The following UQCC3 variants were observed in gnomAD, a reference collection of about 807,000 sequenced individuals.
The protein encoded by UQCC3 is ubiquinol-cytochrome-c reductase complex assembly factor 3.
In UQCC3, 3 loss-of-function variants were observed where a neutral mutation model predicts 3.4. The observed-to-expected ratio is 0.88, with a 90% CI of 0.40 to 2.26. UQCC3 has a LOEUF of 2.26. Among genes scored for constraint, UQCC3 ranks in the 30% most tolerant of loss-of-function variants. The pLI is 0.05. For missense variants in UQCC3, 141 were observed against 123.0 expected (o/e 1.15, Z -0.69); for synonymous variants, 57 against 57.1 (o/e 1.00, Z 0.00).
chr11:62,671,769 G>T lies in UQCC3; in HGVS notation c.24G>T (p.Leu8=). The change falls in exon 1 of 2, where the codon CTG becomes CTT. Residue 8 remains leucine, a synonymous_variant. Coordinates refer to ENST00000377953, the MANE Select transcript of UQCC3 (RefSeq NM_001085372.3). Reference sequence around the variant, plus strand: ...CCATGGATTCCTTGCGGAAAATGCTGATCTCAGTCGCAATGCTGGGCGCAG... The same window carrying T: ...CCATGGATTCCTTGCGGAAAATGCTTATCTCAGTCGCAATGCTGGGCGCAG... MDSLRKM[L]ISVAMLGAGA... is the part of the protein sequence containing the mutation. 6.2e-7 allele frequency: 1 copy of T among 1,614,060 alleles called. No individual in the cohort carries two copies. Among genetic ancestry groups the T allele is most frequent in the East Asian group, 2.2e-5 (1 of 44,872 alleles).
At chr11:62,671,918 C>CTGGA in intron 1 of UQCC3, 35 bp from the exon 2 acceptor site, 1 of 1,613,172 alleles carries the variant, frequency 6.2e-7, no homozygotes, top group Non-Finnish European at 8.5e-7. Flanking sequence ...GAGCCCCGGA[C>CTGGA]TGGAGCTCCT....
At position 62,672,410 on chromosome 11, in the gene UQCC3, TTA is replaced by T; in HGVS notation, c.*297_*298del. Reference sequence around the variant, plus strand: ...CCCTGCAGTCGACACCTACCAATGCTTAGAGACGCGTGGTCGGTGCTGGGGGC... The same window carrying T: ...CCCTGCAGTCGACACCTACCAATGCTGAGACGCGTGGTCGGTGCTGGGGGC... On this transcript the variant is annotated 3_prime_UTR_variant, in exon 2 of 2. Coordinates refer to ENST00000377953, the MANE Select transcript of UQCC3 (RefSeq NM_001085372.3). 2.3e-6 allele frequency: 1 copy of T among 440,002 alleles called. No individual in the cohort carries two copies. The highest frequency in any genetic ancestry group is 4.1e-6 in the Non-Finnish European group (1 of 241,500). The allele number at this position is 440,002 out of a possible 1,614,324, so 27.3% of individuals were successfully genotyped here.
rs1944960775 is a variant in UQCC3 at position 62,672,432 on chromosome 11, G to C, written c.*318G>C. The C allele has an allele frequency of 5.3e-6, 2 of 379,592 alleles. No homozygotes were observed. The highest frequency in any genetic ancestry group is 9.7e-6 in the Non-Finnish European group (2 of 206,312). The allele number at this position is 379,592 out of a possible 1,614,324, so 23.5% of individuals were successfully genotyped here. Reference sequence around the variant, plus strand: ...TGCTTAGAGACGCGTGGTCGGTGCTGGGGGCGCGGCCTGGAGCTGCTGCCT... The same window carrying C: ...TGCTTAGAGACGCGTGGTCGGTGCTCGGGGCGCGGCCTGGAGCTGCTGCCT... On this transcript the variant is annotated 3_prime_UTR_variant, in exon 2 of 2. Transcript: ENST00000377953.
In UQCC3 at chr11:62,671,806, G is replaced by A; in HGVS notation, c.61G>A (p.Gly21Ser). ...VAMLGAGAGVGYALLVIVTPG... is the reference protein window; with the variant it reads ...VAMLGAGAGVSYALLVIVTPG... ...AATGCTGGGCGCAGGGGCTGGCGTGGGCTACGCGCTCCTCGTTATCGTGAC... is the reference window on the plus strand; with the variant it reads ...AATGCTGGGCGCAGGGGCTGGCGTGAGCTACGCGCTCCTCGTTATCGTGAC... Residue 21 changes from glycine (G) to serine (S), a missense_variant, in exon 1 of 2, where the codon GGC becomes AGC. Transcript: ENST00000377953. 1 of 1,614,080 alleles carries A rather than the reference G, an allele frequency of 6.2e-7. No individual in the cohort carries two copies.
intron 1 of UQCC3, 25 bp from the exon 2 acceptor site, chr11:62,671,928 T>C: frequency 6.2e-7 from 1 of 1,613,184 alleles, no homozygotes; most frequent in East Asian, 2.2e-5. Flanking sequence ...CTGGAGCTCC[T>C]GCGAACTCCC....
rs1442927825 is a variant in UQCC3, at chr11:62,672,118, C to A, written c.*4C>A. On this transcript the variant is annotated 3_prime_UTR_variant, in exon 2 of 2. Transcript: ENST00000377953. ...CGCCGGCGGGAGGTCACCGTGAGAC[C>A]GGACTTGCCTCCGTGGGCGCCGGAC... The A allele has an allele frequency of 1.3e-6, 2 of 1,568,630 alleles. No homozygotes were observed. The highest frequency in any genetic ancestry group is 3.8e-5 in the Admixed American group (2 of 52,880).
In UQCC3 at chr11:62,672,118, C is replaced by CGG; in HGVS notation, c.*5_*6dup. 1 of 1,568,748 alleles carries CGG rather than the reference C, an allele frequency of 6.4e-7. No homozygotes were observed. Among genetic ancestry groups the CGG allele is most frequent in the Non-Finnish European group, 8.6e-7 (1 of 1,158,280 alleles). On this transcript the variant is annotated 3_prime_UTR_variant, in exon 2 of 2. Transcript: ENST00000377953. Reference sequence around the variant, plus strand: ...CGCCGGCGGGAGGTCACCGTGAGACCGGACTTGCCTCCGTGGGCGCCGGAC... The same window carrying CGG: ...CGCCGGCGGGAGGTCACCGTGAGACCGGGGACTTGCCTCCGTGGGCGCCGGAC...
In UQCC3 at chr11:62,673,426, C is replaced by T. The variant is rs190401974; in HGVS notation, c.*1312C>T. 6.6e-6 allele frequency: 1 copy of T among 152,250 alleles called. No individual in the cohort carries two copies. Among genetic ancestry groups the T allele is most frequent in the African/African-American group, 2.4e-5 (1 of 41,546 alleles). 9.4% of individuals were successfully genotyped at this position (152,250 alleles called of 1,614,324 possible). A position where few individuals can be genotyped will look rare whatever the true frequency, so the allele number is the denominator to read the frequency against. On this transcript the variant is annotated 3_prime_UTR_variant, in exon 2 of 2. Coordinates refer to ENST00000377953, the MANE Select transcript of UQCC3 (RefSeq NM_001085372.3). ...GCATGTTACAAACCTCAGCCCTGTTCTATGAAAGGTCATAACTACGAGGAT... is the reference window on the plus strand; with the variant it reads ...GCATGTTACAAACCTCAGCCCTGTTTTATGAAAGGTCATAACTACGAGGAT...
rs1297206302 is a variant in UQCC3 at position 62,673,407 on chromosome 11, T to C, written c.*1293T>C. On this transcript the variant is annotated 3_prime_UTR_variant, in exon 2 of 2. Transcript: ENST00000377953. ...AGATCCTGGTTGAACTCCAGCATGT[T>C]ACAAACCTCAGCCCTGTTCTATGAA... 1 of 152,220 alleles carries C rather than the reference T, an allele frequency of 6.6e-6. No individual in the cohort carries two copies. The highest frequency in any genetic ancestry group is 1.9e-4 in the East Asian group (1 of 5,194). 9.4% of individuals were successfully genotyped at this position (152,220 alleles called of 1,614,324 possible). A position where few individuals can be genotyped will look rare whatever the true frequency, so the allele number is the denominator to read the frequency against.
rs1944957274 is a variant in UQCC3, at chr11:62,672,146, T to G, written c.*32T>G. The G allele has an allele frequency of 6.5e-7, 1 of 1,544,444 alleles. No individual in the cohort carries two copies. The highest frequency in any genetic ancestry group is 1.4e-5 in the African/African-American group (1 of 73,254). On this transcript the variant is annotated 3_prime_UTR_variant, in exon 2 of 2. Coordinates refer to ENST00000377953, the MANE Select transcript of UQCC3 (RefSeq NM_001085372.3). ...ACTTGCCTCCGTGGGCGCCGGACCT[T>G]GGCTTGGGCGCAGGAATCCGAGGCA...
rs1196067452 is a variant in UQCC3, at chr11:62,673,313, T to G, written c.*1199T>G. The G allele has an allele frequency of 6.6e-6, 1 of 152,256 alleles. No individual in the cohort carries two copies. Among genetic ancestry groups the G allele is most frequent in the East Asian group, 1.9e-4 (1 of 5,202 alleles). 9.4% of individuals were successfully genotyped at this position (152,256 alleles called of 1,614,324 possible). A position where few individuals can be genotyped will look rare whatever the true frequency, so the allele number is the denominator to read the frequency against. Reference sequence around the variant, plus strand: ...GCCACAATGCTTTCTGTGGCCATTATTTAACCTCTGGTTAAACAAGCTTAG... The same window carrying G: ...GCCACAATGCTTTCTGTGGCCATTAGTTAACCTCTGGTTAAACAAGCTTAG... On this transcript the variant is annotated 3_prime_UTR_variant, in exon 2 of 2. Coordinates refer to ENST00000377953, the MANE Select transcript of UQCC3 (RefSeq NM_001085372.3).
In UQCC3 at chr11:62,672,225, G is replaced by T. The variant is rs1305063066; in HGVS notation, c.*111G>T. The T allele has an allele frequency of 8.7e-7, 1 of 1,153,748 alleles. No homozygotes were observed. The highest frequency in any genetic ancestry group is 1.2e-6 in the Non-Finnish European group (1 of 821,116). The allele number at this position is 1,153,748 out of a possible 1,614,324, so 71.5% of individuals were successfully genotyped here. A position where few individuals can be genotyped will look rare whatever the true frequency, so the allele number is the denominator to read the frequency against. Reference sequence around the variant, plus strand: ...AGTCCGGACCGAGATACCATGCCAGGACTCTCCGGGGTCCTGTGAGCTGCC... The same window carrying T: ...AGTCCGGACCGAGATACCATGCCAGTACTCTCCGGGGTCCTGTGAGCTGCC... On this transcript the variant is annotated 3_prime_UTR_variant, in exon 2 of 2. Coordinates refer to ENST00000377953, the MANE Select transcript of UQCC3 (RefSeq NM_001085372.3).
chr11:62,672,208 C>A lies in UQCC3; in HGVS notation c.*94C>A. On this transcript the variant is annotated 3_prime_UTR_variant, in exon 2 of 2. Coordinates refer to ENST00000377953, the MANE Select transcript of UQCC3 (RefSeq NM_001085372.3). ...TCGTGGGCCCAGCGGAGAGTCCGGA[C>A]CGAGATACCATGCCAGGACTCTCCG... The A allele has an allele frequency of 7.7e-7, 1 of 1,305,352 alleles. No homozygotes were observed. The highest frequency in any genetic ancestry group is 2.5e-5 in the East Asian group (1 of 39,872). 80.9% of individuals were successfully genotyped at this position (1,305,352 alleles called of 1,614,324 possible).
In UQCC3 at chr11:62,671,673, A is replaced by G. The variant is rs968918020; in HGVS notation, c.-73A>G. On this transcript the variant is annotated 5_prime_UTR_variant, in exon 1 of 2. Coordinates refer to ENST00000377953, the MANE Select transcript of UQCC3 (RefSeq NM_001085372.3). ...GGCGCTCTAGCCTGCGCCAAGGGGT[A>G]GTGAGACCGCGCGGCAACAGCTTGC... 1.0e-5 allele frequency: 16 copies of G among 1,589,644 alleles called. No homozygotes were observed. The African/African-American group carries it at 1.1e-4, about 11-fold the overall frequency.
At position 62,672,188 on chromosome 11, in the gene UQCC3, G is replaced by A. The variant is rs1168159881; in HGVS notation, c.*74G>A. 11 of 1,453,210 alleles carry A rather than the reference G, an allele frequency of 7.6e-6. No individual in the cohort carries two copies. Among genetic ancestry groups the A allele is most frequent in the South Asian group, 1.3e-5 (1 of 77,928 alleles). 90.0% of individuals were successfully genotyped at this position (1,453,210 alleles called of 1,614,324 possible). On this transcript the variant is annotated 3_prime_UTR_variant, in exon 2 of 2. Transcript: ENST00000377953. ...TCCGAGGCAGCCTTTCTCCTTCGTG[G>A]GCCCAGCGGAGAGTCCGGACCGAGA...
rs760276561 is a variant in UQCC3, at chr11:62,671,779, G to T, written c.34G>T (p.Ala12Ser). ...CTTGCGGAAAATGCTGATCTCAGTC[G>T]CAATGCTGGGCGCAGGGGCTGGCGT... ...DSLRKMLISV[A>S]MLGAGAGVGY... The change falls in exon 1 of 2, where the codon GCA becomes TCA. Residue 12 changes from alanine to serine, a missense_variant. Ala to Ser is a moderately conservative substitution (Grantham distance 99). Transcript: ENST00000377953. 12 of 1,613,984 alleles carry T rather than the reference G, an allele frequency of 7.4e-6. No individual in the cohort carries two copies. Among genetic ancestry groups the T allele is most frequent in the Non-Finnish European group, 8.5e-6 (10 of 1,180,024 alleles).
rs1219526451 is a variant in UQCC3 at position 62,673,153 on chromosome 11, T to G, written c.*1039T>G. 6.6e-6 allele frequency: 1 copy of G among 152,210 alleles called. No homozygotes were observed. The highest frequency in any genetic ancestry group is 1.9e-4 in the East Asian group (1 of 5,196). 9.4% of individuals were successfully genotyped at this position (152,210 alleles called of 1,614,324 possible). On this transcript the variant is annotated 3_prime_UTR_variant, in exon 2 of 2. Transcript: ENST00000377953. ...CATGTGGTGTCAGGTTGGAGTGTAC[T>G]TCCAGGGATAACCGTGGGACATTCT...
chr11:62,672,262 A>G lies in UQCC3; in HGVS notation c.*148A>G. 1 of 835,246 alleles carries G rather than the reference A, an allele frequency of 1.2e-6. No individual in the cohort carries two copies. Among genetic ancestry groups the G allele is most frequent in the Non-Finnish European group, 1.8e-6 (1 of 545,290 alleles). 51.7% of individuals were successfully genotyped at this position (835,246 alleles called of 1,614,324 possible). Reference sequence around the variant, plus strand: ...TCCTGTGAGCTGCCGTCGGGTGAGCACGTTTCCCCCAAACCCTGGACTGAC... The same window carrying G: ...TCCTGTGAGCTGCCGTCGGGTGAGCGCGTTTCCCCCAAACCCTGGACTGAC... On this transcript the variant is annotated 3_prime_UTR_variant, in exon 2 of 2. Transcript: ENST00000377953.
Position 62,672,203 on chromosome 11 carries a change from C to T in UQCC3, c.*89C>T. 1 of 1,352,572 alleles carries T rather than the reference C, an allele frequency of 7.4e-7. No homozygotes were observed. The highest frequency in any genetic ancestry group is 2.1e-5 in the Admixed American group (1 of 48,092). The allele number at this position is 1,352,572 out of a possible 1,614,324, so 83.8% of individuals were successfully genotyped here. On this transcript the variant is annotated 3_prime_UTR_variant, in exon 2 of 2. Coordinates refer to ENST00000377953, the MANE Select transcript of UQCC3 (RefSeq NM_001085372.3). ...CTCCTTCGTGGGCCCAGCGGAGAGT[C>T]CGGACCGAGATACCATGCCAGGACT...
Sources: allele counts gnomAD v4.1 joint callset, GRCh38; gene constraint gnomAD v4.1.1; transcripts MANE v1.5; gene names NCBI Gene and HGNC (gene_info 2026-07-23, HGNC 2026-07-21).